The following AGFG1 variants were observed in gnomAD, a reference collection of about 807,000 sequenced individuals.
AGFG1 encodes ArfGAP with FG repeats 1.
AGFG1 carries 10 observed loss-of-function variants against 60.6 expected under a neutral mutation model. The ratio of observed to expected loss-of-function variants is 0.16; its 90% CI spans 0.10 to 0.28. The LOEUF is 0.28. Ranked by LOEUF, AGFG1 falls within the 10% of genes least tolerant of loss-of-function variation. The pLI is 1.00. For synonymous variants in AGFG1, 247 were observed against 242.9 expected (o/e 1.02, Z -0.16); for missense variants, 537 against 676.5 (o/e 0.79, Z 2.29).
At chr2:227,476,317 A>G (rs1690279283) in intron 1 of AGFG1, among the ~76,000 whole-genome samples, 1 of 152,246 alleles carries the variant, frequency 6.6e-6, no homozygotes, top group Non-Finnish European at 1.5e-5. Context: ...AGCCAACAGT[A>G]AAAATGGCCT....
At chr2:227,548,273 T>G (rs1213809047) in intron 10 of AGFG1, among the ~76,000 whole-genome samples, 1 of 152,230 alleles carries the variant, frequency 6.6e-6, no homozygotes, top group East Asian at 1.9e-4. Context: ...TGATGGTGGT[T>G]GTACATCCCT....
intron 10 of AGFG1, among the ~76,000 whole-genome samples, chr2:227,550,867 T>C (rs1196618924): frequency 6.6e-6 from 1 of 152,222 alleles, no homozygotes; most frequent in East Asian, 1.9e-4. Flanking sequence ...TTTCATGGTA[T>C]TTTGATTGCA....
chr2:227,551,071 AGTT>A (rs1294409787), intron 10 of AGFG1, among the ~76,000 whole-genome samples: 1 of 152,210 alleles, frequency 6.6e-6, no homozygotes, highest in African/African-American at 2.4e-5. Flanking sequence ...CATATGTAGC[AGTT>A]GTTCACACAC....
At chr2:227,492,483 A>T (rs1559171169) in intron 2 of AGFG1, among the ~76,000 whole-genome samples, 2 of 152,058 alleles carry the variant, frequency 1.3e-5, no homozygotes, top group South Asian at 4.1e-4. Context: ...AGTAAGTTAA[A>T]TATTAAAATT....
chr2:227,472,203 C>T lies in AGFG1; in HGVS notation c.-219C>T, dbSNP rs867367607. On this transcript the variant is annotated 5_prime_UTR_variant, in exon 1 of 13. Coordinates refer to ENST00000310078, the MANE Select transcript of AGFG1 (RefSeq NM_004504.5). ...GTGGCGGCGGCGGCGGCGGTTGTCC[C>T]GGCTGTGCCGGTTGGTGTGGCCCGT... 1.2e-5 allele frequency: 2 copies of T among 160,336 alleles called. No homozygotes were observed. The highest frequency in any genetic ancestry group is 2.4e-3 in the Middle Eastern group (2 of 840). The allele number at this position is 160,336 out of a possible 1,614,324, so 9.9% of individuals were successfully genotyped here. A position where few individuals can be genotyped will look rare whatever the true frequency, so the allele number is the denominator to read the frequency against.
chr2:227,486,139 C>A (rs1253480333), intron 1 of AGFG1, among the ~76,000 whole-genome samples: 3 of 152,164 alleles, frequency 2.0e-5, no homozygotes, highest in Non-Finnish European at 2.9e-5. Flanking sequence ...TGAGGTTGAG[C>A]TCTCTCATCT....
intron 5 of AGFG1, 49 bp downstream of exon 5, chr2:227,524,964 C>T (rs1559187168): frequency 6.3e-6 from 10 of 1,588,826 alleles, no homozygotes; most frequent in Non-Finnish European, 8.6e-6. Flanking sequence ...TATAAAACAC[C>T]AAGAAACATC....
intron 2 of AGFG1, among the ~76,000 whole-genome samples, chr2:227,513,241 T>G (rs1418650494): frequency 6.6e-6 from 1 of 152,252 alleles, no homozygotes; most frequent in African/African-American, 2.4e-5. Flanking sequence ...TGTATATATT[T>G]ATTATCATGA....
chr2:227,483,325 T>G (rs1216244504), intron 1 of AGFG1, among the ~76,000 whole-genome samples: 4 of 152,220 alleles, frequency 2.6e-5, no homozygotes, highest in African/African-American at 9.6e-5. Context: ...GTGGTTACTA[T>G]AGATACTAAC....
intron 4 of AGFG1, 82 bp downstream of exon 4, chr2:227,524,007 C>A (rs940944330): frequency 3.7e-6 from 5 of 1,350,770 alleles, no homozygotes; most frequent in Non-Finnish European, 5.1e-6. Flanking sequence ...TTTAAGACAG[C>A]AGCATAATCT....
intron 8 of AGFG1, 25 bp from the exon 9 acceptor site, chr2:227,536,600 G>T: frequency 1.9e-6 from 3 of 1,585,390 alleles, no homozygotes; most frequent in South Asian, 1.1e-5. Context: ...GAAAAAAAAT[G>T]AACTCTTTCA....
At chr2:227,518,657 G>A (rs973287979) in intron 2 of AGFG1, among the ~76,000 whole-genome samples, 4 of 151,624 alleles carry the variant, frequency 2.6e-5, no homozygotes, top group Non-Finnish European at 5.9e-5. Context: ...CTGAGTAGCT[G>A]GGATTACAGG....
chr2:227,534,468 A>G (rs1439239427), intron 7 of AGFG1, among the ~76,000 whole-genome samples: 2 of 152,206 alleles, frequency 1.3e-5, no homozygotes, highest in African/African-American at 4.8e-5. Context: ...TGCTGGGGAA[A>G]TGATGCTATT....
At chr2:227,543,281 C>T (rs1050509587) in intron 10 of AGFG1, among the ~76,000 whole-genome samples, 20 of 151,846 alleles carry the variant, frequency 1.3e-4, no homozygotes, top group Admixed American at 1.3e-4. Flanking sequence ...CCTGCTTTCT[C>T]GTGGGCATTT....
chr2:227,523,644 G>T, intron 3 of AGFG1, 119 bp from the exon 4 acceptor site: 1 of 945,360 alleles, frequency 1.1e-6, no homozygotes. Context: ...TGTGTGAGAG[G>T]GTTTTCAGAT....
At chr2:227,521,197 C>T (rs1382982717) in intron 3 of AGFG1, among the ~76,000 whole-genome samples, 5 of 152,108 alleles carry the variant, frequency 3.3e-5, no homozygotes, top group African/African-American at 1.2e-4. Context: ...TCCCAAGTAG[C>T]TGGGATTACA....
chr2:227,472,735 G>A, intron 1 of AGFG1, 147 bp downstream of exon 1: 1 of 955,904 alleles, frequency 1.0e-6, no homozygotes, highest in African/African-American at 1.8e-5. Flanking sequence ...GCTGGCGGGC[G>A]CGGCGTGGGA....
chr2:227,551,724 T>G (rs1325053153), intron 10 of AGFG1, among the ~76,000 whole-genome samples: 1 of 152,230 alleles, frequency 6.6e-6, no homozygotes, highest in Admixed American at 6.5e-5. Context: ...ACAACAGCTT[T>G]AGTAGTTAGT....
chr2:227,513,534 T>G (rs1691556648), intron 2 of AGFG1, among the ~76,000 whole-genome samples: 1 of 152,226 alleles, frequency 6.6e-6, no homozygotes, highest in Non-Finnish European at 1.5e-5. Flanking sequence ...ACATTTTTCT[T>G]TCTTCCCCTG....
Sources: allele counts gnomAD v4.1 joint callset (sites outside exome capture counted in the v4.1 genomes callset), GRCh38; gene constraint gnomAD v4.1.1; transcripts MANE v1.5; gene names NCBI Gene and HGNC (gene_info 2026-07-23, HGNC 2026-07-21).